The following CEP85L variants were observed in gnomAD, a reference collection of about 807,000 sequenced individuals.
CEP85L encodes the protein centrosomal protein 85L.
CEP85L carries 60 observed loss-of-function variants against 100.3 expected under a neutral mutation model. That is an observed-to-expected ratio of 0.60 (90% confidence interval 0.49 to 0.74). The LOEUF is 0.74. CEP85L is among the 30% of genes least tolerant of loss of function. CEP85L has a pLI of 0.00. For synonymous variants in CEP85L, 319 were observed against 322.7 expected (o/e 0.99, Z 0.12); for missense variants, 973 against 936.2 (o/e 1.04, Z -0.51).
intron 1 of CEP85L, among the ~76,000 whole-genome samples, chr6:118,649,979 G>C (rs1337293402): frequency 6.6e-6 from 1 of 152,106 alleles, no homozygotes; most frequent in South Asian, 2.1e-4. Context: ...AATTTCAATA[G>C]CCTGATACTA....
chr6:118,569,555 G>A (rs1233838811), intron 2 of CEP85L, among the ~76,000 whole-genome samples: 2 of 151,520 alleles, frequency 1.3e-5, no homozygotes, highest in Non-Finnish European at 2.9e-5. Flanking sequence ...TCACTCAGTA[G>A]TTATGCATGC....
At chr6:118,606,972 C>A (rs1280176548) in intron 2 of CEP85L, among the ~76,000 whole-genome samples, 1 of 152,064 alleles carries the variant, frequency 6.6e-6, no homozygotes, top group Non-Finnish European at 1.5e-5. Context: ...TACTCTTTTG[C>A]CGGCATGCCA....
In CEP85L at chr6:118,547,273, C is replaced by G. The variant is rs560507697; in HGVS notation, c.1020+18256G>C. On this transcript the variant is annotated intron_variant, in intron 3 of 12. Coordinates refer to ENST00000368491, the MANE Select transcript of CEP85L (RefSeq NM_001042475.3). ...CCGGCTTTACAAAAAAATTATTTCC[C>G]CAGTTCTACTGTAAGATAAACTGTT... Among the ~76,000 whole-genome samples, 60 of 152,146 alleles carry G rather than the reference C, an allele frequency of 3.9e-4. 1 individual carries two copies. The South Asian group carries it at 0.012, about 32-fold the overall frequency.
At chr6:118,650,210 C>A (rs541725714) in intron 1 of CEP85L, among the ~76,000 whole-genome samples, 12 of 152,164 alleles carry the variant, frequency 7.9e-5, no homozygotes, top group African/African-American at 2.9e-4. Flanking sequence ...GAAAATTTTG[C>A]GTATGTATAT....
At chr6:118,466,596 C>A (rs980727789) in intron 12 of CEP85L, among the ~76,000 whole-genome samples, 6 of 152,084 alleles carry the variant, frequency 3.9e-5, no homozygotes, top group Non-Finnish European at 7.4e-5. Flanking sequence ...AGTCAGAAAG[C>A]AAAACAGTAT....
chr6:118,565,947 G>C lies in CEP85L; in HGVS notation c.602C>G (p.Pro201Arg). 1 of 1,614,108 alleles carries C rather than the reference G, an allele frequency of 6.2e-7. No homozygotes were observed. ...ALTSQLRTIG[P>R]SCLHDSMEML... ...CTCCATACTATCATGTAAACAGCTA[G>C]GCCCAATTGTCCTCAGTTGTGATGT... Residue 201 changes from proline (P) to arginine (R), a missense_variant, in exon 3 of 13, where the codon CCT (proline) becomes CGT (arginine). Physicochemically the swap from Pro to Arg is moderately radical, Grantham distance 103. Transcript: ENST00000368491.
At chr6:118,631,921 TA>T (rs1337144875) in intron 2 of CEP85L, among the ~76,000 whole-genome samples, 1 of 152,202 alleles carries the variant, frequency 6.6e-6, no homozygotes, top group Non-Finnish European at 1.5e-5. Flanking sequence ...AAACTGTATA[TA>T]AATCTATAAT....
At chr6:118,677,425 T>C (rs1325513019) in intron 1 of CEP85L, among the ~76,000 whole-genome samples, 2 of 151,900 alleles carry the variant, frequency 1.3e-5, no homozygotes, top group African/African-American at 4.8e-5. Flanking sequence ...GTTGGAGGAG[T>C]TGGGAATTGC....
intron 1 of CEP85L, among the ~76,000 whole-genome samples, chr6:118,694,050 A>G (rs1777128566): frequency 6.6e-6 from 1 of 152,238 alleles, no homozygotes; most frequent in Non-Finnish European, 1.5e-5. Flanking sequence ...AAAAAAACCC[A>G]TAAAAACAGT....
At chr6:118,617,270 C>T (rs7752401) in intron 2 of CEP85L, among the ~76,000 whole-genome samples, 4 of 152,040 alleles carry the variant, frequency 2.6e-5, no homozygotes, top group African/African-American at 9.7e-5. Context: ...TGTTTTCTTC[C>T]CCAAGAAAGC....
chr6:118,680,792 C>G lies in CEP85L; in HGVS notation c.-27-27984G>C, dbSNP rs369264080. Among the ~76,000 whole-genome samples, 17 of 152,048 alleles carry G rather than the reference C, an allele frequency of 1.1e-4. No homozygotes were observed. The East Asian group carries it at 3.3e-3, about 29-fold the overall frequency. ...CTCCGGAGGCTGAGGTTGGGGATCA[C>G]TTGAGCCCAGGAGGTCGAGGCTGCA... On this transcript the variant is annotated intron_variant, in intron 1 of 13. Transcript: ENST00000368488.
chr6:118,582,175 A>G (rs555965968), intron 2 of CEP85L, among the ~76,000 whole-genome samples: 59 of 152,272 alleles, frequency 3.9e-4, no homozygotes, highest in Admixed American at 1.0e-3. Flanking sequence ...TATCTCCAGT[A>G]TATCCTACTC....
intron 7 of CEP85L, among the ~76,000 whole-genome samples, chr6:118,483,198 C>A (rs1773916737): frequency 6.6e-6 from 1 of 150,966 alleles, no homozygotes; most frequent in African/African-American, 2.4e-5. Flanking sequence ...GTGGCCCTCA[C>A]CTCAGTTAGG....
At chr6:118,506,382 A>T (rs917486968) in intron 5 of CEP85L, among the ~76,000 whole-genome samples, 27 of 152,138 alleles carry the variant, frequency 1.8e-4, no homozygotes, top group African/African-American at 6.5e-4. Context: ...CTTGCCGTGC[A>T]GGTGGAGTAG....
At chr6:118,600,305 GT>G (rs1781695140) in intron 2 of CEP85L, among the ~76,000 whole-genome samples, 2 of 40,832 alleles carry the variant, frequency 4.9e-5, no homozygotes, top group African/African-American at 8.4e-5. Context: ...CTGGGGGTGT[GT>G]GTGTGTGTGT....
chr6:118,647,401 C>T (rs943121894), intron 1 of CEP85L, among the ~76,000 whole-genome samples: 1 of 152,180 alleles, frequency 6.6e-6, no homozygotes, highest in Admixed American at 6.5e-5. Context: ...CACTCTGTTG[C>T]CCGGGCTGGA....
intron 2 of CEP85L, among the ~76,000 whole-genome samples, chr6:118,591,699 G>A (rs760142733): frequency 6.6e-6 from 1 of 152,096 alleles, no homozygotes; most frequent in Non-Finnish European, 1.5e-5. Context: ...GCTTGCTTGA[G>A]CCCACTCCCA....
intron 5 of CEP85L, among the ~76,000 whole-genome samples, chr6:118,493,627 A>G (rs1774716056): frequency 6.6e-6 from 1 of 152,234 alleles, no homozygotes; most frequent in South Asian, 2.1e-4. Flanking sequence ...AAGGATTTAG[A>G]GAAAATGATT....
At chr6:118,696,041 C>T (rs993870460) in intron 1 of CEP85L, among the ~76,000 whole-genome samples, 2 of 152,138 alleles carry the variant, frequency 1.3e-5, no homozygotes, top group Non-Finnish European at 2.9e-5. Flanking sequence ...GAGGCCGAGA[C>T]AGGCGGATCA....
Sources: allele counts gnomAD v4.1 joint callset (sites outside exome capture counted in the v4.1 genomes callset), GRCh38; gene constraint gnomAD v4.1.1; transcripts MANE v1.5; gene names NCBI Gene and HGNC (gene_info 2026-07-23, HGNC 2026-07-21).